ANKRD18A: variants seen among roughly 807,000 people sequenced by gnomAD.
ANKRD18A encodes ankyrin repeat domain 18A.
Under a neutral mutation model 110.6 loss-of-function variants are expected in ANKRD18A, and 72 were observed. That is an observed-to-expected ratio of 0.65 (90% CI 0.54 to 0.79). The LOEUF (loss-of-function observed/expected upper bound fraction) is 0.79, where lower values mean the gene tolerates loss of function less well. Among genes scored for constraint, ANKRD18A ranks in the 30% least tolerant of loss-of-function variants. The pLI is 0.00. For synonymous variants in ANKRD18A, 305 were observed against 410.3 expected (o/e 0.74, Z 3.10); for missense variants, 934 against 1,163.3 (o/e 0.80, Z 2.87).
At chr9:38,569,364 A>G, downstream of ANKRD18A, 1 of 985,342 alleles carries the variant, frequency 1.0e-6, no homozygotes, top group Non-Finnish European at 1.2e-6. Flanking sequence ...GACTGTCCCC[A>G]AGCCAGGAGG....
chr9:38,574,098 A>T (rs971337986), intron 15 of ANKRD18A, among the ~76,000 whole-genome samples: 1 of 152,078 alleles, frequency 6.6e-6, no homozygotes, highest in African/African-American at 2.4e-5. Context: ...TATTGTTCCC[A>T]TGTTTATGTC....
At chr9:38,578,328 A>C (rs1278134576) in intron 12 of ANKRD18A, among the ~76,000 whole-genome samples, 180 bp from the exon 13 acceptor site, 1 of 152,254 alleles carries the variant, frequency 6.6e-6, no homozygotes, top group Non-Finnish European at 1.5e-5. Flanking sequence ...TAAAGCTACC[A>C]TGAGTCACAA....
chr9:38,614,202 T>C (rs1456008525), intron 3 of ANKRD18A, among the ~76,000 whole-genome samples: 1 of 149,266 alleles, frequency 6.7e-6, no homozygotes, highest in African/African-American at 2.5e-5. Flanking sequence ...TAATCAGGAG[T>C]GTATTCGAAC....
chr9:38,601,289 T>C, intron 7 of ANKRD18A, 85 bp from the exon 8 acceptor site: 3 of 1,265,102 alleles, frequency 2.4e-6, no homozygotes, highest in Non-Finnish European at 3.3e-6. Context: ...CACACACTTT[T>C]ATAAATTGAG....
At chr9:38,585,085 A>C (rs1824324682) in intron 12 of ANKRD18A, among the ~76,000 whole-genome samples, 1 of 152,220 alleles carries the variant, frequency 6.6e-6, no homozygotes, top group African/African-American at 2.4e-5. Flanking sequence ...ATCTGTAAGA[A>C]GTCTTCATTA....
intron 7 of ANKRD18A, 66 bp from the exon 8 acceptor site, chr9:38,601,270 A>G: frequency 7.4e-7 from 1 of 1,348,424 alleles, no homozygotes; most frequent in Non-Finnish European, 1.0e-6. Flanking sequence ...AAAAATTGAT[A>G]CAGAACAACA....
rs1283054988 is a variant in ANKRD18A at position 38,593,877 on chromosome 9, G to A, written c.1887C>T (p.Val629=). 21 of 1,502,060 alleles carry A rather than the reference G, an allele frequency of 1.4e-5. No homozygotes were observed. Among genetic ancestry groups the A allele is most frequent in the Middle Eastern group, 1.7e-4 (1 of 5,830 alleles). The allele number at this position is 1,502,060 out of a possible 1,614,324, so 93.0% of individuals were successfully genotyped here. A position where few individuals can be genotyped will look rare whatever the true frequency, so the allele number is the denominator to read the frequency against. ...ATATTGAAAATGTTTTAAGGTGATC[G>A]ACCAGTTCTTCTTGAAATTCTCTCA... ...VIVREFQEEL[V]DHLKTFSISE... is the part of the protein sequence containing the mutation. Residue 629 remains valine (V), a synonymous_variant, in exon 10 of 16, where the codon GTC becomes GTT. Coordinates refer to ENST00000399703, the MANE Select transcript of ANKRD18A (RefSeq NM_147195.4).
intron 15 of ANKRD18A, chr9:38,573,053 T>G: frequency 7.5e-7 from 1 of 1,334,564 alleles, no homozygotes; most frequent in Admixed American, 2.5e-5. Flanking sequence ...AAAATAAACC[T>G]AAATTTAATT....
intron 9 of ANKRD18A, among the ~76,000 whole-genome samples, chr9:38,595,152 T>C (rs1301091878): frequency 6.6e-6 from 1 of 152,214 alleles, no homozygotes; most frequent in Non-Finnish European, 1.5e-5. Flanking sequence ...ATAGAATTTA[T>C]CTTTTTTAAC....
intron 5 of ANKRD18A, among the ~76,000 whole-genome samples, chr9:38,609,452 G>A (rs915709141): frequency 7.2e-5 from 11 of 152,222 alleles, no homozygotes; most frequent in Admixed American, 2.6e-4. Context: ...CTGCACTCCA[G>A]CCTGGGCGAC....
In ANKRD18A at chr9:38,596,227, C is replaced by G; in HGVS notation, c.1113G>C (p.Lys371Asn). ...TCATTTTTTCATTGAGTCTTACACT[C>G]TTTTCAAAGTTAGCATTTATTTCTG... ...SITEINANFE[K>N]SVRLNEKMIT... The change falls in exon 9 of 16, where the codon AAG (lysine) becomes AAC (asparagine). Residue 371 changes from lysine to asparagine, a missense_variant. Physicochemically the swap from Lys to Asn is moderately conservative, Grantham distance 94. This residue lies in a region of ANKRD18A where 630 missense variants were observed against 797.5 expected (regional missense o/e 0.79). Coordinates refer to ENST00000399703, the MANE Select transcript of ANKRD18A (RefSeq NM_147195.4). 3 of 1,535,878 alleles carry G rather than the reference C, an allele frequency of 2.0e-6. No homozygotes were observed. The highest frequency in any genetic ancestry group is 2.6e-6 in the Non-Finnish European group (3 of 1,142,136).
intron 8 of ANKRD18A, among the ~76,000 whole-genome samples, chr9:38,597,906 C>T (rs1430902089): frequency 6.6e-6 from 1 of 152,110 alleles, no homozygotes; most frequent in Admixed American, 6.6e-5. Context: ...ATGTAAAAGT[C>T]TGATTCAACA....
chr9:38,603,095 C>T (rs779018824), intron 7 of ANKRD18A, 64 bp downstream of exon 7: 1,362 of 1,529,184 alleles, frequency 8.9e-4, no homozygotes, highest in Non-Finnish European at 1.1e-3. Context: ...TTAACTACGG[C>T]TGAAGCTTCC....
intron 6 of ANKRD18A, among the ~76,000 whole-genome samples, chr9:38,604,479 C>T (rs1825267108): frequency 6.9e-6 from 1 of 145,778 alleles, no homozygotes; most frequent in Non-Finnish European, 1.5e-5. Context: ...ACACTGCCAA[C>T]AGCATAACTG....
chr9:38,609,487 A>C (rs1296187685), intron 5 of ANKRD18A, among the ~76,000 whole-genome samples: 1 of 144,540 alleles, frequency 6.9e-6, no homozygotes, highest in Non-Finnish European at 1.5e-5. Flanking sequence ...TCTCGAAAAA[A>C]ACAAAACAAA....
chr9:38,574,471 C>T (rs918968695), intron 15 of ANKRD18A, among the ~76,000 whole-genome samples: 1 of 152,060 alleles, frequency 6.6e-6, no homozygotes, highest in African/African-American at 2.4e-5. Flanking sequence ...TGCCTGCCAC[C>T]ACACCTGGCT....
At position 38,577,174 on chromosome 9, in the gene ANKRD18A, C is replaced by T; in HGVS notation, c.2620G>A (p.Glu874Lys). ...GTTTTCATTTTGGAGAATTTACATTCCACATCTTTAAGTGTGAGTTCCTTC... is the reference window on the plus strand; with the variant it reads ...GTTTTCATTTTGGAGAATTTACATTTCACATCTTTAAGTGTGAGTTCCTTC... ...KKKELTLKDV[E>K]CKFSKMKTAY... The change falls in exon 14 of 16, where the codon GAA (glutamate) becomes AAA (lysine). Residue 874 changes from glutamate to lysine, a missense_variant. By Grantham distance (56) the Glu-to-Lys change is moderately conservative. Transcript: ENST00000399703. 4 of 1,548,872 alleles carry T rather than the reference C, an allele frequency of 2.6e-6. No individual in the cohort carries two copies. Among genetic ancestry groups the T allele is most frequent in the Non-Finnish European group, 3.5e-6 (4 of 1,146,372 alleles).
chr9:38,586,569 G>GTTTA (rs1824392351), intron 11 of ANKRD18A, among the ~76,000 whole-genome samples: 1 of 150,996 alleles, frequency 6.6e-6, no homozygotes, highest in African/African-American at 2.4e-5. Context: ...TTTTTTGTTT[G>GTTTA]TTTTTGTTTT....
chr9:38,572,223 G>T, intron 15 of ANKRD18A, 164 bp from the exon 16 acceptor site: 2 of 490,256 alleles, frequency 4.1e-6, no homozygotes, highest in East Asian at 4.0e-5. Context: ...TACACATGGC[G>T]TTAATTCCAA....
Sources: allele counts gnomAD v4.1 joint callset (sites outside exome capture counted in the v4.1 genomes callset), GRCh38; gene constraint gnomAD v4.1.1; regional missense constraint gnomAD v4.1.1; transcripts MANE v1.5; gene names NCBI Gene and HGNC (gene_info 2026-07-23, HGNC 2026-07-21).